Variants in MAGI1 observed in about 807,000 individuals in gnomAD.
MAGI1 encodes the protein membrane associated guanylate kinase, WW and PDZ domain containing 1, also known as membrane-associated guanylate kinase, WW and PDZ domain-containing protein 1.
A neutral mutation model predicts 139.9 loss-of-function variants in MAGI1; 58 were observed. That is an observed-to-expected ratio of 0.41 (90% CI 0.34 to 0.52). The LOEUF (loss-of-function observed/expected upper bound fraction) is 0.52. MAGI1 is among the 20% of genes least tolerant of loss of function. MAGI1 has a pLI of 0.12. For missense variants in MAGI1, 1,874 were observed against 1,901.6 expected (o/e 0.99, Z 0.27); for synonymous variants, 812 against 737.9 (o/e 1.10, Z -1.63).
intron 2 of MAGI1, among the ~76,000 whole-genome samples, chr3:65,516,577 A>C (rs2077890461): frequency 6.6e-6 from 1 of 152,154 alleles, no homozygotes; most frequent in South Asian, 2.1e-4. Flanking sequence ...ACAGAGTTAT[A>C]AAGCACTTAC....
chr3:65,648,290 C>CGTGTGTGTGTGT lies in MAGI1; in HGVS notation c.314-26214_314-26203dup, dbSNP rs35122002. ...TTCCAGAGAAGCTAGTACTACAGGCCGTGTGTGTGTGTGTGTGTGTGTGTG... is the reference window on the plus strand; with the variant it reads ...TTCCAGAGAAGCTAGTACTACAGGCCGTGTGTGTGTGTGTGTGTGTGTGTGTGTGTGTGTGTG... On this transcript the variant is annotated intron_variant, in intron 1 of 22. Coordinates refer to ENST00000402939, the MANE Select transcript of MAGI1 (RefSeq NM_001033057.2). Among the ~76,000 whole-genome samples, 254 of 146,782 alleles carry CGTGTGTGTGTGT rather than the reference C, an allele frequency of 1.7e-3. 1 individual carries two copies. Among genetic ancestry groups the CGTGTGTGTGTGT allele is most frequent in the Admixed American group, 2.7e-3 (40 of 14,878 alleles).
chr3:65,833,141 A>G (rs2042617433), intron 1 of MAGI1, among the ~76,000 whole-genome samples: 1 of 151,206 alleles, frequency 6.6e-6, no homozygotes, highest in Non-Finnish European at 1.5e-5. Context: ...TTTGGGAGAC[A>G]GAATCTCACT....
intron 1 of MAGI1, among the ~76,000 whole-genome samples, chr3:65,831,270 GC>G (rs914757515): frequency 1.3e-5 from 2 of 152,174 alleles, no homozygotes; most frequent in Non-Finnish European, 2.9e-5. Flanking sequence ...TTCGCTAAGA[GC>G]CTCCTCCGCT....
chr3:65,793,295 G>T (rs1392112025), intron 1 of MAGI1, among the ~76,000 whole-genome samples: 4 of 152,050 alleles, frequency 2.6e-5, no homozygotes, highest in African/African-American at 9.7e-5. Flanking sequence ...CTTTTCATAA[G>T]ATTATTCAGG....
At chr3:65,490,976 C>G (rs1239787439) in intron 3 of MAGI1, among the ~76,000 whole-genome samples, 1 of 152,006 alleles carries the variant, frequency 6.6e-6, no homozygotes, top group Non-Finnish European at 1.5e-5. Context: ...TAGTCCTGTG[C>G]CTAAGAAAAT....
At chr3:65,838,473 T>C (rs753266628) in intron 1 of MAGI1, among the ~76,000 whole-genome samples, 4 of 152,248 alleles carry the variant, frequency 2.6e-5, no homozygotes, top group Non-Finnish European at 5.9e-5. Flanking sequence ...ATTACATAAA[T>C]AGAATCATAC....
intron 1 of MAGI1, among the ~76,000 whole-genome samples, chr3:66,015,309 T>C (rs898151882): frequency 6.6e-6 from 1 of 152,004 alleles, no homozygotes; most frequent in African/African-American, 2.4e-5. Flanking sequence ...GACCTGGATA[T>C]AAAGCCCTGG....
At chr3:65,623,743 A>G (rs1333363427) in intron 1 of MAGI1, among the ~76,000 whole-genome samples, 5 of 152,304 alleles carry the variant, frequency 3.3e-5, no homozygotes, top group Middle Eastern at 3.4e-3. Context: ...TTACTTTAAT[A>G]TCACATTCAA....
At chr3:65,483,791 G>A (rs1211615872) in intron 3 of MAGI1, among the ~76,000 whole-genome samples, 5 of 152,182 alleles carry the variant, frequency 3.3e-5, no homozygotes, top group Non-Finnish European at 2.9e-5. Flanking sequence ...TTAAGAGGAA[G>A]CCACTGCTGG....
intron 1 of MAGI1, among the ~76,000 whole-genome samples, chr3:65,834,514 T>C (rs565806786): frequency 1.3e-5 from 2 of 152,344 alleles, no homozygotes; most frequent in Non-Finnish European, 2.9e-5. Context: ...TTTTTCTTGG[T>C]ATACGATCTG....
At chr3:65,768,145 T>C (rs2037644103) in intron 1 of MAGI1, among the ~76,000 whole-genome samples, 1 of 152,192 alleles carries the variant, frequency 6.6e-6, no homozygotes, top group East Asian at 1.9e-4. Context: ...GCAGGCTGGG[T>C]GTGGTGGCTC....
chr3:65,980,577 A>AAG (rs1247329369), intron 1 of MAGI1, among the ~76,000 whole-genome samples: 1 of 151,640 alleles, frequency 6.6e-6, no homozygotes, highest in East Asian at 1.9e-4. Context: ...AAAAAAAAAA[A>AAG]AAGGCAAGAT....
At chr3:65,715,630 G>A (rs777042013) in intron 1 of MAGI1, among the ~76,000 whole-genome samples, 2 of 152,102 alleles carry the variant, frequency 1.3e-5, no homozygotes, top group East Asian at 3.9e-4. Flanking sequence ...AAGCACCACC[G>A]TTTCAGACAC....
intron 1 of MAGI1, among the ~76,000 whole-genome samples, chr3:65,760,917 CT>C (rs1215428895): frequency 6.6e-6 from 1 of 152,184 alleles, no homozygotes; most frequent in Non-Finnish European, 1.5e-5. Context: ...CGTAGAAACA[CT>C]TCTTTGAAAC....
At chr3:65,965,027 A>G (rs1305650387) in intron 1 of MAGI1, among the ~76,000 whole-genome samples, 1 of 152,244 alleles carries the variant, frequency 6.6e-6, no homozygotes, top group Non-Finnish European at 1.5e-5. Context: ...CCCAAGGCAT[A>G]ATTAGCCTTG....
chr3:65,635,248 AG>A (rs2084544689), intron 1 of MAGI1, among the ~76,000 whole-genome samples: 1 of 152,058 alleles, frequency 6.6e-6, no homozygotes, highest in African/African-American at 2.4e-5. Flanking sequence ...TATTTTTAGT[AG>A]AGATGGGATT....
chr3:65,942,434 T>C (rs923058286), intron 1 of MAGI1, among the ~76,000 whole-genome samples: 1 of 152,182 alleles, frequency 6.6e-6, no homozygotes, highest in African/African-American at 2.4e-5. Context: ...TTCTGGGATT[T>C]GGACATGATT....
At chr3:65,425,137 A>AACAC in intron 12 of MAGI1, among the ~76,000 whole-genome samples, 1 of 125,418 alleles carries the variant, frequency 8.0e-6, no homozygotes, top group Non-Finnish European at 1.7e-5. Context: ...AAAAAACAAA[A>AACAC]AAAAACACAC....
intron 8 of MAGI1, among the ~76,000 whole-genome samples, chr3:65,440,450 G>C (rs1338899299): frequency 6.6e-6 from 1 of 152,128 alleles, no homozygotes; most frequent in Non-Finnish European, 1.5e-5. Flanking sequence ...CCACCTGACA[G>C]GGGAAGCTGC....
Sources: gnomAD v4.1 joint callset for allele counts (sites outside exome capture counted in the v4.1 genomes callset) on GRCh38, gnomAD v4.1.1 for gene constraint, MANE v1.5 for transcripts, NCBI Gene and HGNC (gene_info 2026-07-23, HGNC 2026-07-21) for gene names.